GPM6A: variants seen among roughly 807,000 people sequenced by gnomAD.
GPM6A encodes neuronal membrane glycoprotein M6-a.
A neutral mutation model predicts 32.1 loss-of-function variants in GPM6A; 7 were observed. That is an observed-to-expected ratio of 0.22 (90% CI 0.12 to 0.41). GPM6A has a LOEUF of 0.41. GPM6A is among the 10% of genes least tolerant of loss of function. The pLI is 1.00. For missense variants in GPM6A, 235 were observed against 347.2 expected, an observed-to-expected ratio of 0.68 and a Z score of 2.57; for synonymous variants, 130 against 123.4, an observed-to-expected ratio of 1.05 and a Z score of -0.35.
At chr4:175,743,431 T>C (rs981684833) in intron 1 of GPM6A, among the ~76,000 whole-genome samples, 3 of 151,330 alleles carry the variant, frequency 2.0e-5, no homozygotes, top group East Asian at 3.9e-4. Context: ...AAAGAGGAAA[T>C]ACAAAAGATA....
At position 175,640,753 on chromosome 4, in the gene GPM6A, C is replaced by T; in HGVS notation, c.618G>A (p.Glu206=). The change falls in exon 5 of 7, where the codon GAG becomes GAA. Residue 206 remains glutamate (E), a splice_region_variant and synonymous_variant. Coordinates refer to ENST00000393658, the MANE Select transcript of GPM6A (RefSeq NM_201591.3). ...AATTAAAGGCTGTAAAAACACTCAC[C>T]TCAGTAGATTCGCACATCCTCAAGA... ...ENFLRMCEST[E]LNMTFHLFIV... is the part of the protein sequence containing the mutation. 1.3e-6 allele frequency: 2 copies of T among 1,596,118 alleles called. No homozygotes were observed. The highest frequency in any genetic ancestry group is 1.7e-6 in the Non-Finnish European group (2 of 1,164,544).
At chr4:175,874,547 CTT>C (rs531179577) in intron 1 of GPM6A, among the ~76,000 whole-genome samples, 3 of 151,904 alleles carry the variant, frequency 2.0e-5, no homozygotes, top group Non-Finnish European at 4.4e-5. Flanking sequence ...GTGGCATATG[CTT>C]TTGAAACTTT....
At chr4:175,980,959 C>T (rs1196467042) in intron 1 of GPM6A, among the ~76,000 whole-genome samples, 1 of 152,082 alleles carries the variant, frequency 6.6e-6, no homozygotes, top group East Asian at 1.9e-4. Context: ...AAGTAGCTTA[C>T]AGAAATTATC....
At chr4:175,947,960 T>C (rs571930569) in intron 1 of GPM6A, among the ~76,000 whole-genome samples, 2 of 152,300 alleles carry the variant, frequency 1.3e-5, no homozygotes, top group South Asian at 4.1e-4. Flanking sequence ...AAAAGATGAA[T>C]GAAGGAACAA....
At chr4:175,702,478 A>G (rs1744934389) in intron 1 of GPM6A, among the ~76,000 whole-genome samples, 1 of 152,156 alleles carries the variant, frequency 6.6e-6, no homozygotes, top group Non-Finnish European at 1.5e-5. Flanking sequence ...CAGTAAGTTG[A>G]AGCCTGTTAG....
chr4:175,735,426 C>G (rs555209952), intron 1 of GPM6A, among the ~76,000 whole-genome samples: 33 of 152,156 alleles, frequency 2.2e-4, no homozygotes, highest in Non-Finnish European at 4.3e-4. Context: ...GACAAATACA[C>G]TAATCAGGCT....
intron 3 of GPM6A, among the ~76,000 whole-genome samples, chr4:175,660,128 G>A (rs770317612): frequency 8.9e-4 from 136 of 152,184 alleles, no homozygotes; most frequent in African/African-American, 2.0e-3. Context: ...GGCTGGGTGC[G>A]ATGGTTCACA....
chr4:175,978,765 C>T (rs1238387068), intron 1 of GPM6A, among the ~76,000 whole-genome samples: 3 of 152,150 alleles, frequency 2.0e-5, no homozygotes, highest in Non-Finnish European at 2.9e-5. Flanking sequence ...TCTGAATCAA[C>T]TGAAACTCTA....
chr4:175,645,036 G>A (rs919858292), intron 4 of GPM6A, among the ~76,000 whole-genome samples: 20 of 152,238 alleles, frequency 1.3e-4, no homozygotes, highest in Admixed American at 7.8e-4. Flanking sequence ...GGAGGTGGAT[G>A]TTGCAGTGAG....
chr4:175,916,498 A>C (rs575208890), intron 1 of GPM6A, among the ~76,000 whole-genome samples: 1 of 152,262 alleles, frequency 6.6e-6, no homozygotes, highest in African/African-American at 2.4e-5. Flanking sequence ...TTCAGAGGGA[A>C]GTTATGAGAA....
chr4:175,905,464 T>G (rs191232950), intron 1 of GPM6A, among the ~76,000 whole-genome samples: 106 of 152,202 alleles, frequency 7.0e-4, no homozygotes, highest in African/African-American at 2.5e-3. Flanking sequence ...TCTTCCACTG[T>G]GGCCCAGGGA....
intron 2 of GPM6A, among the ~76,000 whole-genome samples, chr4:175,695,537 G>A (rs1227352496): frequency 6.6e-6 from 1 of 152,142 alleles, no homozygotes; most frequent in Non-Finnish European, 1.5e-5. Flanking sequence ...CTTGCATGGG[G>A]GCTTATAGCC....
chr4:175,762,029 G>C (rs532369651), intron 1 of GPM6A, among the ~76,000 whole-genome samples: 1 of 152,070 alleles, frequency 6.6e-6, no homozygotes, highest in East Asian at 1.9e-4. Context: ...CTTGACCTCA[G>C]GTAATCCAGC....
rs1371217595 is a variant in GPM6A at position 175,812,105 on chromosome 4, A to G, written c.37+86T>C. 5.0e-6 allele frequency: 5 copies of G among 998,876 alleles called. No homozygotes were observed. The Admixed American group carries it at 1.1e-4, about 22-fold the overall frequency. 61.9% of individuals were successfully genotyped at this position (998,876 alleles called of 1,614,324 possible). A position where few individuals can be genotyped will look rare whatever the true frequency, so the allele number is the denominator to read the frequency against. On this transcript the variant is annotated intron_variant, in intron 1 of 6. Coordinates refer to ENST00000393658, the MANE Select transcript of GPM6A (RefSeq NM_201591.3). Reference sequence around the variant, plus strand: ...AATGCCTTCCAAGAGAGAAACATTCATTAGCCTTACTGGCAAGTGTCTAAA... The same window carrying G: ...AATGCCTTCCAAGAGAGAAACATTCGTTAGCCTTACTGGCAAGTGTCTAAA...
chr4:175,812,301 GTT>G, upstream of GPM6A: 15 of 793,064 alleles, frequency 1.9e-5, no homozygotes, highest in East Asian at 6.6e-4. Context: ...AAAACTGGGG[GTT>G]TTTTTTTTTT....
chr4:175,982,160 A>T (rs1484053806), intron 1 of GPM6A, among the ~76,000 whole-genome samples: 1 of 152,054 alleles, frequency 6.6e-6, no homozygotes, highest in Admixed American at 6.6e-5. Flanking sequence ...TATCAGGTAT[A>T]TGTTTCGCAA....
At chr4:175,694,253 T>G (rs1744449121) in intron 2 of GPM6A, among the ~76,000 whole-genome samples, 1 of 152,114 alleles carries the variant, frequency 6.6e-6, no homozygotes, top group South Asian at 2.1e-4. Context: ...CCTGAAAATG[T>G]GGAAACCTCT....
intron 1 of GPM6A, among the ~76,000 whole-genome samples, chr4:175,768,703 C>T (rs188977632): frequency 6.6e-6 from 1 of 151,872 alleles, no homozygotes; most frequent in Admixed American, 6.6e-5. Flanking sequence ...ACATGTATCA[C>T]CAAAGTTGAA....
intron 2 of GPM6A, among the ~76,000 whole-genome samples, chr4:175,683,884 T>A: frequency 6.6e-6 from 1 of 151,754 alleles, no homozygotes; most frequent in Non-Finnish European, 1.5e-5. Flanking sequence ...CAGGTTGGAG[T>A]GCAGTGATGT....
Sources: allele counts gnomAD v4.1 joint callset (sites outside exome capture counted in the v4.1 genomes callset), GRCh38; gene constraint gnomAD v4.1.1; transcripts MANE v1.5; gene names NCBI Gene and HGNC (gene_info 2026-07-23, HGNC 2026-07-21).